The following KAZN variants were observed in gnomAD, a reference collection of about 807,000 sequenced individuals.
KAZN encodes the protein kazrin.
KAZN carries 40 observed loss-of-function variants against 87.4 expected under a neutral mutation model. The ratio of observed to expected loss-of-function variants is 0.46; its 90% confidence interval spans 0.36 to 0.60. The LOEUF (loss-of-function observed/expected upper bound fraction) is 0.60, where lower values mean the gene tolerates loss of function less well. Ranked by LOEUF, KAZN falls within the 20% of genes least tolerant of loss-of-function variation. The pLI is 0.00. For synonymous variants in KAZN, 466 were observed against 458.3 expected, an observed-to-expected ratio of 1.02 and a Z score of -0.22; for missense variants, 898 against 1,073.9, an observed-to-expected ratio of 0.84 and a Z score of 2.29.
intron 1 of KAZN, among the ~76,000 whole-genome samples, chr1:14,095,961 T>C (rs1644117928): frequency 6.6e-6 from 1 of 152,258 alleles, no homozygotes; most frequent in African/African-American, 2.4e-5. Context: ...AAATCTCCTA[T>C]GCATAGGAGA....
At chr1:14,686,524 T>G (rs1332710666) in intron 1 of KAZN, among the ~76,000 whole-genome samples, 1 of 152,222 alleles carries the variant, frequency 6.6e-6, no homozygotes, top group African/African-American at 2.4e-5. Context: ...CTACTTTTCT[T>G]AACTTATTTT....
intron 2 of KAZN, among the ~76,000 whole-genome samples, chr1:14,591,679 C>G (rs975475383): frequency 6.6e-6 from 1 of 152,146 alleles, no homozygotes; most frequent in Non-Finnish European, 1.5e-5. Flanking sequence ...AGAAGGGATG[C>G]GCCTGACCGA....
At chr1:14,959,597 C>A (rs1663592861) in intron 1 of KAZN, among the ~76,000 whole-genome samples, 2 of 152,170 alleles carry the variant, frequency 1.3e-5, no homozygotes, top group African/African-American at 4.8e-5. Context: ...TCTGTTTATT[C>A]TCAAGGGGAC....
intron 8 of KAZN, among the ~76,000 whole-genome samples, chr1:15,087,851 A>G (rs61320899): frequency 0.015 from 2,270 of 152,328 alleles, 47 homozygotes; most frequent in African/African-American, 0.051. Flanking sequence ...TGTCAGACAC[A>G]AGGCTGAACA....
chr1:14,022,301 A>T (rs926341242), intron 1 of KAZN, among the ~76,000 whole-genome samples: 3 of 151,856 alleles, frequency 2.0e-5, no homozygotes, highest in Non-Finnish European at 4.4e-5. Flanking sequence ...ATCTTTTTTG[A>T]TAACTTCACC....
rs149494799 is a variant in KAZN at position 14,670,598 on chromosome 1, G to A, written c.226+71375G>A. On this transcript the variant is annotated intron_variant, in intron 1 of 14. Transcript: ENST00000376030. ...ATTCTGATTCAGTAGATCTGGGGAG[G>A]GGCCTGGGCATCCCTACTTTGAACA... 9.8e-4 allele frequency among the ~76,000 whole-genome samples: 149 copies of A among 152,258 alleles called. 3 individuals carry two copies. The East Asian group carries it at 0.024, about 25-fold the overall frequency.
chr1:15,046,020 G>A (rs942162458), intron 4 of KAZN, among the ~76,000 whole-genome samples: 12 of 152,212 alleles, frequency 7.9e-5, no homozygotes, highest in East Asian at 1.9e-4. Flanking sequence ...GAATCAGGCC[G>A]GACGTGGTGG....
intron 1 of KAZN, among the ~76,000 whole-genome samples, chr1:14,795,348 G>T (rs1645798727): frequency 1.3e-5 from 2 of 152,094 alleles, no homozygotes; most frequent in Admixed American, 1.3e-4. Flanking sequence ...CACAACACGG[G>T]GTCTTAGGGA....
At chr1:14,392,980 T>C (rs1662583136) in intron 2 of KAZN, among the ~76,000 whole-genome samples, 1 of 152,186 alleles carries the variant, frequency 6.6e-6, no homozygotes, top group Admixed American at 6.5e-5. Context: ...CTTCCTTCCA[T>C]GGTGCAGTGG....
intron 1 of KAZN, among the ~76,000 whole-genome samples, chr1:14,722,840 A>G (rs1221329311): frequency 6.6e-6 from 1 of 152,066 alleles, no homozygotes; most frequent in East Asian, 1.9e-4. Flanking sequence ...AAACACCTCC[A>G]TTTAGCTGGG....
intron 4 of KAZN, among the ~76,000 whole-genome samples, chr1:15,048,308 C>G (rs1042763667): frequency 6.6e-6 from 1 of 152,260 alleles, no homozygotes; most frequent in Non-Finnish European, 1.5e-5. Context: ...GCCTGCCCAG[C>G]CATCCACCCT....
chr1:14,963,606 AT>A (rs1664132640), intron 2 of KAZN, among the ~76,000 whole-genome samples: 1 of 152,012 alleles, frequency 6.6e-6, no homozygotes, highest in Non-Finnish European at 1.5e-5. Flanking sequence ...GCTTGGATGC[AT>A]TTTTTTGTTG....
At chr1:14,852,207 C>T (rs759999440) in intron 1 of KAZN, among the ~76,000 whole-genome samples, 3 of 152,154 alleles carry the variant, frequency 2.0e-5, no homozygotes, top group Non-Finnish European at 2.9e-5. Context: ...TAACTGGACC[C>T]GGCACTGGAC....
intron 1 of KAZN, among the ~76,000 whole-genome samples, chr1:14,744,679 T>A (rs986608886): frequency 1.3e-5 from 2 of 152,208 alleles, no homozygotes; most frequent in African/African-American, 2.4e-5. Flanking sequence ...GAGGCTGCAG[T>A]GAGCTGTGAT....
In KAZN at chr1:15,094,138, G is replaced by A. The variant is rs532186136; in HGVS notation, c.1223-42G>A. On this transcript the variant is annotated intron_variant, in intron 8 of 14. Transcript: ENST00000376030. The surrounding 1 kb of genome is among the most constrained non-coding windows in gnomAD (Gnocchi z 4.5). ...ATGGCCTGCCCAGCCCCTGCCCCCA[G>A]CAGCCTCGTCCCCCAGCATGGCCTG... is the stretch of plus-strand genomic sequence containing the variant. The A allele has an allele frequency of 4.4e-6, 7 of 1,588,970 alleles. No homozygotes were observed. The highest frequency in any genetic ancestry group is 6.0e-6 in the Non-Finnish European group (7 of 1,165,210).
At chr1:14,331,676 C>T (rs142302393) in intron 2 of KAZN, among the ~76,000 whole-genome samples, 1 of 152,210 alleles carries the variant, frequency 6.6e-6, no homozygotes, top group African/African-American at 2.4e-5. Context: ...TAAAAAGATA[C>T]TAAGCACCGT....
At chr1:15,085,896 A>G (rs1436168198) in intron 8 of KAZN, among the ~76,000 whole-genome samples, 2 of 152,242 alleles carry the variant, frequency 1.3e-5, no homozygotes, top group South Asian at 2.1e-4. Flanking sequence ...AGGAAGCACA[A>G]TTATATCATT....
rs540660907 is a variant in KAZN, at chr1:14,013,610, G to A, written c.91+119854G>A. 2.0e-4 allele frequency among the ~76,000 whole-genome samples: 31 copies of A among 152,202 alleles called. 1 individual carries two copies. The highest frequency in any genetic ancestry group is 7.0e-4 in the African/African-American group (29 of 41,522). On this transcript the variant is annotated intron_variant, in intron 1 of 16. Transcript: ENST00000636203. ...TCAGAGAAAGGCACCAGAAAGGAAG[G>A]GTTCGATGGAAAATAACCTAGGAAT...
At chr1:14,229,317 GTA>G (rs1358137152) in intron 2 of KAZN, among the ~76,000 whole-genome samples, 1 of 152,132 alleles carries the variant, frequency 6.6e-6, no homozygotes, top group African/African-American at 2.4e-5. Flanking sequence ...TTGCCTATCT[GTA>G]TTACAAAAGT....
Sources: gnomAD v4.1 joint callset for allele counts (sites outside exome capture counted in the v4.1 genomes callset) on GRCh38, gnomAD v4.1.1 for gene constraint, Gnocchi (gnomAD v3.1) non-coding constraint, MANE v1.5 for transcripts, NCBI Gene and HGNC (gene_info 2026-07-23, HGNC 2026-07-21) for gene names.